Variants in DEFB116 observed in about 807,000 individuals in gnomAD.
DEFB116 encodes defensin beta 116.
DEFB116 carries 5 observed loss-of-function variants against 2.8 expected under a neutral mutation model. That is an observed-to-expected ratio of 1.80 (90% CI 0.94 to 3.79). The LOEUF (loss-of-function observed/expected upper bound fraction) is 3.79. DEFB116 is among the 30% of genes most tolerant of loss of function. The pLI is 0.00. For missense variants in DEFB116, 170 were observed against 118.0 expected (o/e 1.44, Z -2.04); for synonymous variants, 56 against 40.8 (o/e 1.37, Z -1.42).
At chr20:31,308,461 A>G (rs1207496581) in intron 1 of DEFB116, 58 bp downstream of exon 1, 12 of 1,577,580 alleles carry the variant, frequency 7.6e-6, no homozygotes, top group Non-Finnish European at 9.6e-6. Flanking sequence ...TGCAGAGGTC[A>G]CCAAGATACC....
chr20:31,305,239 G>T (rs1340402688), intron 1 of DEFB116, among the ~76,000 whole-genome samples: 2 of 152,056 alleles, frequency 1.3e-5, no homozygotes, highest in Non-Finnish European at 2.9e-5. Flanking sequence ...TATGGGAGAA[G>T]AAGATTGCAA....
At chr20:31,306,555 T>C (rs1984994081) in intron 1 of DEFB116, among the ~76,000 whole-genome samples, 1 of 152,040 alleles carries the variant, frequency 6.6e-6, no homozygotes, top group Non-Finnish European at 1.5e-5. Flanking sequence ...TCTACCACCA[T>C]TAGAAATGAG....
At chr20:31,307,777 T>C (rs142814361) in intron 1 of DEFB116, among the ~76,000 whole-genome samples, 1 of 152,200 alleles carries the variant, frequency 6.6e-6, no homozygotes, top group Non-Finnish European at 1.5e-5. Flanking sequence ...AGTCAATCCC[T>C]GCCCAGATAA....
intron 1 of DEFB116, 43 bp from the exon 2 acceptor site, chr20:31,303,496 T>C: frequency 6.2e-7 from 1 of 1,604,524 alleles, no homozygotes. Context: ...GCAGCAGTGA[T>C]AATAGGGTGA....
At chr20:31,308,161 C>T (rs1033635667) in intron 1 of DEFB116, among the ~76,000 whole-genome samples, 4 of 152,106 alleles carry the variant, frequency 2.6e-5, no homozygotes, top group African/African-American at 9.7e-5. Flanking sequence ...CCCACCTCAA[C>T]TCCCTACCCA....
intron 1 of DEFB116, among the ~76,000 whole-genome samples, chr20:31,304,354 A>C (rs1397529780): frequency 1.3e-5 from 2 of 152,096 alleles, no homozygotes; most frequent in East Asian, 1.9e-4. Flanking sequence ...ATTAGAAAGA[A>C]ATATTAACAA....
intron 1 of DEFB116, among the ~76,000 whole-genome samples, chr20:31,304,479 C>T (rs534240473): frequency 3.9e-5 from 6 of 152,196 alleles, no homozygotes; most frequent in African/African-American, 1.4e-4. Flanking sequence ...TAGATGAAGA[C>T]ACTGAGGCTC....
At chr20:31,307,278 G>C (rs1292770170) in intron 1 of DEFB116, among the ~76,000 whole-genome samples, 1 of 152,036 alleles carries the variant, frequency 6.6e-6, no homozygotes, top group Middle Eastern at 3.2e-3. Context: ...TTAACTATAG[G>C]AACTGTGTTG....
chr20:31,306,507 TG>T (rs777502187), intron 1 of DEFB116, among the ~76,000 whole-genome samples: 15 of 152,248 alleles, frequency 9.9e-5, no homozygotes, highest in Non-Finnish European at 1.6e-4. Flanking sequence ...TCTTCATTTT[TG>T]TTGTTGTTTG....
At chr20:31,306,393 A>G (rs1479731818) in intron 1 of DEFB116, among the ~76,000 whole-genome samples, 3 of 152,292 alleles carry the variant, frequency 2.0e-5, no homozygotes, top group East Asian at 3.9e-4. Flanking sequence ...CTAATAGAAA[A>G]TGTTGTCCAG....
At chr20:31,304,583 T>C (rs894269988) in intron 1 of DEFB116, among the ~76,000 whole-genome samples, 3 of 152,082 alleles carry the variant, frequency 2.0e-5, no homozygotes, top group Non-Finnish European at 4.4e-5. Context: ...GCCTATGCTC[T>C]TTTCTCTCTG....
chr20:31,303,531 C>T (rs2122445848), intron 1 of DEFB116, 78 bp from the exon 2 acceptor site: 4 of 1,553,132 alleles, frequency 2.6e-6, no homozygotes, highest in East Asian at 2.3e-5. Context: ...AAGGAACACG[C>T]CCTAAGACTA....
intron 1 of DEFB116, among the ~76,000 whole-genome samples, chr20:31,305,772 G>A (rs1238951570): frequency 6.6e-6 from 1 of 151,906 alleles, no homozygotes; most frequent in East Asian, 1.9e-4. Flanking sequence ...TCTCCACTGT[G>A]TTTGTGTAAA....
chr20:31,306,408 G>C (rs926085698), intron 1 of DEFB116, among the ~76,000 whole-genome samples: 1 of 152,148 alleles, frequency 6.6e-6, no homozygotes, highest in Non-Finnish European at 1.5e-5. Context: ...GTCCAGAACT[G>C]TTCCTGCTCA....
Position 31,308,582 on chromosome 20 carries a change from A to T in DEFB116, c.4T>A (p.Ser2Thr), listed in dbSNP as rs754155550. The change falls in exon 1 of 2, where the codon TCA (serine) becomes ACA (threonine). Residue 2 changes from serine to threonine, a missense_variant. Coordinates refer to ENST00000400549, the MANE Select transcript of DEFB116 (RefSeq NM_001037731.1). ...GTCATTAAACAGGGCTTCATGACTGACATGTTCCACCAGAATGAAGGGCTG... is the reference window on the plus strand; with the variant it reads ...GTCATTAAACAGGGCTTCATGACTGTCATGTTCCACCAGAATGAAGGGCTG... The part of the protein sequence containing the change: M[S>T]VMKPCLMTIA... 3 of 1,613,454 alleles carry T rather than the reference A, an allele frequency of 1.9e-6. No individual in the cohort carries two copies. In the South Asian group the frequency reaches 3.3e-5, roughly 18 times the overall value.
intron 1 of DEFB116, 56 bp downstream of exon 1, chr20:31,308,463 C>A: frequency 1.9e-6 from 3 of 1,583,846 alleles, no homozygotes; most frequent in East Asian, 4.5e-5. Flanking sequence ...CAGAGGTCAC[C>A]AAGATACCAG....
chr20:31,303,487 C>T, intron 1 of DEFB116, 34 bp from the exon 2 acceptor site: 1 of 1,610,370 alleles, frequency 6.2e-7, no homozygotes, highest in Non-Finnish European at 8.5e-7. Context: ...AGTTTCCATG[C>T]AGCAGTGATA....
intron 1 of DEFB116, 116 bp from the exon 2 acceptor site, chr20:31,303,569 C>T: frequency 7.1e-7 from 1 of 1,413,428 alleles, no homozygotes; most frequent in Non-Finnish European, 9.5e-7. Flanking sequence ...GGAATCAAAA[C>T]TACCTAGATT....
chr20:31,303,490 C>T (rs909699119), intron 1 of DEFB116, 37 bp from the exon 2 acceptor site: 1 of 1,609,828 alleles, frequency 6.2e-7, no homozygotes, highest in Non-Finnish European at 8.5e-7. Flanking sequence ...TTCCATGCAG[C>T]AGTGATAATA....
Sources: gnomAD v4.1 joint callset for allele counts (sites outside exome capture counted in the v4.1 genomes callset) on GRCh38, gnomAD v4.1.1 for gene constraint, MANE v1.5 for transcripts, NCBI Gene and HGNC (gene_info 2026-07-23, HGNC 2026-07-21) for gene names.